GPC5: variants seen among roughly 807,000 people sequenced by gnomAD.
GPC5 encodes glypican 5.
In GPC5, 47 loss-of-function variants were observed where a neutral mutation model predicts 53.9. That is an observed-to-expected ratio of 0.87 (90% CI 0.69 to 1.11). The LOEUF is 1.11. Ranked by LOEUF, GPC5 falls within the 50% of genes most tolerant of loss-of-function variation. GPC5 has a pLI of 0.00. For synonymous variants in GPC5, 286 were observed against 263.3 expected, an observed-to-expected ratio of 1.09 and a Z score of -0.84; for missense variants, 748 against 713.1, an observed-to-expected ratio of 1.05 and a Z score of -0.56.
intron 6 of GPC5, among the ~76,000 whole-genome samples, chr13:92,100,653 G>A (rs1046627462): frequency 2.6e-5 from 4 of 152,062 alleles, no homozygotes; most frequent in African/African-American, 9.7e-5. Context: ...ATCACACATT[G>A]CTACTTGAAT....
intron 6 of GPC5, among the ~76,000 whole-genome samples, chr13:92,094,767 C>T (rs906325727): frequency 6.6e-6 from 1 of 151,770 alleles, no homozygotes; most frequent in African/African-American, 2.4e-5. Flanking sequence ...GCAGATTGTG[C>T]TGTTTCAAAT....
At chr13:92,800,417 A>G (rs532645279) in intron 7 of GPC5, among the ~76,000 whole-genome samples, 118 of 151,926 alleles carry the variant, frequency 7.8e-4, no homozygotes, top group South Asian at 1.7e-3. Context: ...TAAGATGTTT[A>G]TTTGTGAGAT....
intron 6 of GPC5, among the ~76,000 whole-genome samples, chr13:92,032,026 A>T (rs1467717707): frequency 1.5e-5 from 2 of 135,238 alleles, no homozygotes; most frequent in East Asian, 2.0e-4. Flanking sequence ...AATATATATA[A>T]AATATATAAA....
At chr13:92,439,783 G>C (rs1053905822) in intron 7 of GPC5, among the ~76,000 whole-genome samples, 1 of 152,146 alleles carries the variant, frequency 6.6e-6, no homozygotes, top group Non-Finnish European at 1.5e-5. Flanking sequence ...AAATAAGAAA[G>C]AAGACAGAAC....
intron 5 of GPC5, among the ~76,000 whole-genome samples, chr13:91,828,294 C>T (rs1210919394): frequency 1.3e-5 from 2 of 151,978 alleles, no homozygotes; most frequent in Non-Finnish European, 2.9e-5. Context: ...ACACTCACCC[C>T]TCATACACAC....
chr13:92,163,086 G>A (rs899853416), intron 7 of GPC5, among the ~76,000 whole-genome samples: 1 of 152,046 alleles, frequency 6.6e-6, no homozygotes, highest in Non-Finnish European at 1.5e-5. Context: ...ATATATGAAT[G>A]AGTGAAGGAA....
chr13:92,700,111 C>T (rs924150247), intron 7 of GPC5, among the ~76,000 whole-genome samples: 6 of 152,018 alleles, frequency 3.9e-5, no homozygotes, highest in Admixed American at 1.3e-4. Context: ...TCTGGGTGCT[C>T]TTGTATTGGG....
chr13:91,532,252 A>G (rs1343424153), intron 2 of GPC5, among the ~76,000 whole-genome samples: 6 of 152,232 alleles, frequency 3.9e-5, no homozygotes, highest in African/African-American at 7.2e-5. Flanking sequence ...AAAGGGAAGC[A>G]TTCAGCAGTT....
rs553142036 is a variant in GPC5 at position 92,319,163 on chromosome 13, T to A, written c.1561+174174T>A. The stretch of plus-strand genomic sequence containing the variant: ...CAGGTTGCTTTGAGTCAGAAAAAAC[T>A]GTCATTAAAGTGGAAATAATATCTG... On this transcript the variant is annotated intron_variant, in intron 7 of 7. Coordinates refer to ENST00000377067, the MANE Select transcript of GPC5 (RefSeq NM_004466.6). Among the ~76,000 whole-genome samples, 8 of 152,248 alleles carry A rather than the reference T, an allele frequency of 5.3e-5. 1 individual carries two copies. Among genetic ancestry groups the A allele is most frequent in the Admixed American group, 5.2e-4 (8 of 15,290 alleles).
intron 7 of GPC5, among the ~76,000 whole-genome samples, chr13:92,862,614 GAGAT>G (rs769698961): frequency 2.2e-4 from 31 of 142,104 alleles, no homozygotes; most frequent in Admixed American, 5.8e-4. Flanking sequence ...ATATCTAGTG[GAGAT>G]AGATAGACAG....
At position 91,456,742 on chromosome 13, in the gene GPC5, A is replaced by G. The variant is rs9560802; in HGVS notation, c.325+7820A>G. 2.3e-3 allele frequency among the ~76,000 whole-genome samples: 344 copies of G among 152,158 alleles called. 11 individuals carry two copies. The East Asian group carries it at 0.061, about 27-fold the overall frequency. On this transcript the variant is annotated intron_variant, in intron 2 of 7. Coordinates refer to ENST00000377067, the MANE Select transcript of GPC5 (RefSeq NM_004466.6). ...AAAAATTATATTGATAATGATATATAAAACTTGCATGCTGTAAAAAGTAAA... is the reference window on the plus strand; with the variant it reads ...AAAAATTATATTGATAATGATATATGAAACTTGCATGCTGTAAAAAGTAAA...
intron 6 of GPC5, among the ~76,000 whole-genome samples, chr13:92,005,399 C>T (rs965549976): frequency 8.5e-5 from 13 of 152,232 alleles, no homozygotes; most frequent in Admixed American, 3.9e-4. Context: ...TTGGCTACAG[C>T]CCTCTTGATT....
At chr13:92,108,550 G>A (rs2041527942) in intron 6 of GPC5, among the ~76,000 whole-genome samples, 1 of 152,082 alleles carries the variant, frequency 6.6e-6, no homozygotes, top group Non-Finnish European at 1.5e-5. Flanking sequence ...TACAATCACT[G>A]TCTTTGCTTT....
intron 7 of GPC5, among the ~76,000 whole-genome samples, chr13:92,181,734 T>C (rs913742532): frequency 1.3e-5 from 2 of 152,194 alleles, no homozygotes; most frequent in African/African-American, 4.8e-5. Flanking sequence ...GTTTGTGTAT[T>C]GTATCCCATT....
chr13:91,542,090 A>G (rs1348361213), intron 2 of GPC5, among the ~76,000 whole-genome samples: 7 of 151,762 alleles, frequency 4.6e-5, no homozygotes, highest in Non-Finnish European at 8.8e-5. Flanking sequence ...CTCGTATTAA[A>G]CTTTATTTCA....
chr13:91,597,994 A>C (rs981101536), intron 2 of GPC5, among the ~76,000 whole-genome samples: 2 of 152,130 alleles, frequency 1.3e-5, no homozygotes, highest in Admixed American at 6.6e-5. Flanking sequence ...AACACTTTGT[A>C]AAAAACATCA....
intron 2 of GPC5, among the ~76,000 whole-genome samples, chr13:91,676,646 T>C (rs1000244133): frequency 6.6e-6 from 1 of 152,210 alleles, no homozygotes; most frequent in Non-Finnish European, 1.5e-5. Context: ...TGAATGTGAA[T>C]GTCTGAGTAA....
intron 7 of GPC5, among the ~76,000 whole-genome samples, chr13:92,277,785 A>C (rs1475116130): frequency 6.6e-6 from 1 of 151,944 alleles, no homozygotes; most frequent in Non-Finnish European, 1.5e-5. Flanking sequence ...GTTCTACATT[A>C]ATATGTGAAA....
rs188746876 is a variant in GPC5 at position 91,940,997 on chromosome 13, A to T, written c.1401+32940A>T. 2.0e-5 allele frequency among the ~76,000 whole-genome samples: 3 copies of T among 152,238 alleles called. No homozygotes were observed. The East Asian group carries it at 5.8e-4, about 29-fold the overall frequency. On this transcript the variant is annotated intron_variant, in intron 6 of 7. Coordinates refer to ENST00000377067, the MANE Select transcript of GPC5 (RefSeq NM_004466.6). ...TGTACAAAAGCTCTTTTGTTTAATTAGGTCCCACTTATTCATTTTTGTTTT... is the reference window on the plus strand; with the variant it reads ...TGTACAAAAGCTCTTTTGTTTAATTTGGTCCCACTTATTCATTTTTGTTTT...
Sources: gnomAD v4.1 joint callset for allele counts (sites outside exome capture counted in the v4.1 genomes callset) on GRCh38, gnomAD v4.1.1 for gene constraint, MANE v1.5 for transcripts, NCBI Gene and HGNC (gene_info 2026-07-23, HGNC 2026-07-21) for gene names.